Variants in PI4KA observed in about 807,000 individuals in gnomAD.
The protein encoded by PI4KA is PI4-kinase alpha.
Under a neutral mutation model 271.4 loss-of-function variants are expected in PI4KA, and 122 were observed. The ratio of observed to expected loss-of-function variants is 0.45; its 90% confidence interval spans 0.39 to 0.52. The LOEUF (loss-of-function observed/expected upper bound fraction) is 0.52. PI4KA is among the 20% of genes least tolerant of loss of function. The probability of loss-of-function intolerance (pLI) is 0.00; values close to 1 mark genes in which losing one functional copy is unlikely to be tolerated. For missense variants in PI4KA, 1,969 were observed against 2,769.1 expected, an observed-to-expected ratio of 0.71 and a Z score of 6.48; for synonymous variants, 1,041 against 1,078.8, an observed-to-expected ratio of 0.96 and a Z score of 0.69.
rs1291162117 is a variant in PI4KA at position 20,727,944 on chromosome 22, C to T, written c.4683-80G>A. On this transcript the variant is annotated intron_variant, in intron 39 of 54. Coordinates refer to ENST00000255882, the MANE Select transcript of PI4KA (RefSeq NM_058004.4). Reference sequence around the variant, plus strand: ...CCCACCACACTGGAGTGAGGGGAGCCAGGGGGAAACACTGAACTGGAGGGA... The same window carrying T: ...CCCACCACACTGGAGTGAGGGGAGCTAGGGGGAAACACTGAACTGGAGGGA... 3.1e-6 allele frequency: 3 copies of T among 971,558 alleles called. No individual in the cohort carries two copies. In the Admixed American group the frequency reaches 6.4e-5, roughly 21 times the overall value. 60.2% of individuals were successfully genotyped at this position (971,558 alleles called of 1,614,324 possible).
rs371203267 is a variant in PI4KA at position 20,712,350 on chromosome 22, C to A, written c.5802+136G>T. ...GATTACAGGTGTGAGCCACCGTGCCCGGCCCAGGTGCCCTGGTTTTAACCC... is the reference window on the plus strand; with the variant it reads ...GATTACAGGTGTGAGCCACCGTGCCAGGCCCAGGTGCCCTGGTTTTAACCC... On this transcript the variant is annotated intron_variant, in intron 50 of 54. Coordinates refer to ENST00000255882, the MANE Select transcript of PI4KA (RefSeq NM_058004.4). 13 of 1,546,338 alleles carry A rather than the reference C, an allele frequency of 8.4e-6. No homozygotes were observed. In the East Asian group the frequency reaches 9.8e-5, roughly 12 times the overall value.
intron 50 of PI4KA, chr22:20,712,265 C>T (rs1925386836): frequency 2.7e-5 from 12 of 449,302 alleles, no homozygotes; most frequent in Non-Finnish European, 3.5e-5. Context: ...CCATTTTGGC[C>T]AGGATGGTTT....
At chr22:20,757,693 G>A (rs1397212813) in intron 23 of PI4KA, among the ~76,000 whole-genome samples, 3 of 152,048 alleles carry the variant, frequency 2.0e-5, no homozygotes, top group Admixed American at 6.6e-5. Flanking sequence ...ACAGGCACAC[G>A]CCACCGCACC....
At chr22:20,778,459 G>A (rs178034) in intron 19 of PI4KA, among the ~76,000 whole-genome samples, 69,557 of 151,962 alleles carry the variant, frequency 0.46, 16,516 homozygotes, top group African/African-American at 0.57. Context: ...AGCCGAGATC[G>A]CGCCACTGCA....
chr22:20,785,290 G>A (rs1376713535), intron 19 of PI4KA, among the ~76,000 whole-genome samples: 1 of 152,160 alleles, frequency 6.6e-6, no homozygotes, highest in East Asian at 1.9e-4. Flanking sequence ...GGCTGGTCTT[G>A]AACTCCTGGC....
chr22:20,828,593 T>C (rs900314775), intron 3 of PI4KA, among the ~76,000 whole-genome samples: 2 of 152,134 alleles, frequency 1.3e-5, no homozygotes, highest in Admixed American at 1.3e-4. Context: ...TCTTGCTCTG[T>C]TGCCAGATTG....
intron 19 of PI4KA, among the ~76,000 whole-genome samples, chr22:20,766,818 G>A (rs1015184628): frequency 6.6e-5 from 10 of 152,154 alleles, no homozygotes; most frequent in African/African-American, 9.7e-5. Flanking sequence ...CACCTGGTAT[G>A]GGCCAGGCAC....
At chr22:20,858,523 C>G in intron 1 of PI4KA, 47 bp downstream of exon 1, 5 of 1,295,738 alleles carry the variant, frequency 3.9e-6, no homozygotes, top group Non-Finnish European at 4.0e-6. Context: ...GCTTCGTCAC[C>G]CCAGCCCCTC....
intron 23 of PI4KA, among the ~76,000 whole-genome samples, 162 bp from the exon 24 acceptor site, chr22:20,753,342 C>A (rs1434374258): frequency 6.6e-6 from 1 of 152,186 alleles, no homozygotes; most frequent in Non-Finnish European, 1.5e-5. Context: ...ATTTTAACAT[C>A]TGCAGTAACC....
At chr22:20,803,984 C>T (rs1051984331) in intron 12 of PI4KA, among the ~76,000 whole-genome samples, 4 of 152,310 alleles carry the variant, frequency 2.6e-5, no homozygotes, top group Middle Eastern at 3.4e-3. Context: ...CAGGAGACAT[C>T]CCCTTGCGTG....
intron 29 of PI4KA, among the ~76,000 whole-genome samples, chr22:20,746,600 A>G (rs1219732501): frequency 6.6e-6 from 1 of 152,208 alleles, no homozygotes; most frequent in Non-Finnish European, 1.5e-5. Context: ...CTTACAGTCT[A>G]TGAGTTCCGC....
At chr22:20,793,576 G>GA (rs546281389) in intron 18 of PI4KA, among the ~76,000 whole-genome samples, 7 of 150,026 alleles carry the variant, frequency 4.7e-5, no homozygotes, top group Non-Finnish European at 8.9e-5. Flanking sequence ...CATGTCAAAT[G>GA]AAAAAAAAAT....
Position 20,742,590 on chromosome 22 carries a change from A to G in PI4KA, c.3613+18T>C. The G allele has an allele frequency of 6.2e-7, 1 of 1,613,556 alleles. No individual in the cohort carries two copies. The highest frequency in any genetic ancestry group is 1.1e-5 in the South Asian group (1 of 91,064). On this transcript the variant is annotated intron_variant, in intron 31 of 54. Transcript: ENST00000255882. ...TTTAGAAACGAGCCCAGAATTCCAC[A>G]GTGCTTCAGTGAGTTACCTTTACTG...
At chr22:20,826,498 G>C (rs1317798241) in intron 3 of PI4KA, among the ~76,000 whole-genome samples, 1 of 152,014 alleles carries the variant, frequency 6.6e-6, no homozygotes, top group Non-Finnish European at 1.5e-5. Flanking sequence ...TGTGAATACT[G>C]CTGTAATAAA....
chr22:20,779,472 C>G (rs1427347142), intron 19 of PI4KA: 1 of 1,614,182 alleles, frequency 6.2e-7, no homozygotes, highest in African/African-American at 1.3e-5. Flanking sequence ...GAGCATGCCT[C>G]TTCTCCCTGC....
intron 23 of PI4KA, among the ~76,000 whole-genome samples, chr22:20,760,069 T>C (rs1458782318): frequency 1.3e-5 from 2 of 152,186 alleles, no homozygotes; most frequent in East Asian, 1.9e-4. Flanking sequence ...CAAGAACAAG[T>C]TGATAGATTC....
At chr22:20,763,647 C>T (rs1426051875) in intron 22 of PI4KA, among the ~76,000 whole-genome samples, 1 of 152,010 alleles carries the variant, frequency 6.6e-6, no homozygotes, top group African/African-American at 2.4e-5. Flanking sequence ...ACCACGTTGG[C>T]CAGGCTGGTC....
intron 29 of PI4KA, among the ~76,000 whole-genome samples, chr22:20,746,835 A>G (rs1220615191): frequency 6.6e-6 from 1 of 152,224 alleles, no homozygotes; most frequent in Non-Finnish European, 1.5e-5. Context: ...TCTCTGGCAC[A>G]TCCTCAGGCC....
At chr22:20,780,351 C>A in intron 19 of PI4KA, 1 of 1,200,008 alleles carries the variant, frequency 8.3e-7, no homozygotes, top group Non-Finnish European at 1.2e-6. Context: ...CAGGGAAGGC[C>A]AAGCTGAAGT....
Sources: gnomAD v4.1 joint callset for allele counts (sites outside exome capture counted in the v4.1 genomes callset) on GRCh38, gnomAD v4.1.1 for gene constraint, MANE v1.5 for transcripts, NCBI Gene and HGNC (gene_info 2026-07-23, HGNC 2026-07-21) for gene names.